SMIM36: variants seen among roughly 807,000 people sequenced by gnomAD.
SMIM36 encodes the protein small integral membrane protein 36.
chr17:55,528,980 G>GGGTAT, the SMIM36 span, among the ~76,000 whole-genome samples: 2 of 152,244 alleles, frequency 1.3e-5, no homozygotes, highest in African/African-American at 4.8e-5. Flanking sequence ...AATCTGGGTA[G>GGGTAT]AATTGAAGCT....
intron 1 of SMIM36, among the ~76,000 whole-genome samples, chr17:55,490,490 G>A (rs951696319): frequency 2.6e-5 from 4 of 152,218 alleles, no homozygotes; most frequent in African/African-American, 9.6e-5. Context: ...TTAACTCTTG[G>A]TTTGTACACT....
At chr17:55,520,629 G>A in the SMIM36 span, among the ~76,000 whole-genome samples, 1 of 152,180 alleles carries the variant, frequency 6.6e-6, no homozygotes, top group Non-Finnish European at 1.5e-5. Flanking sequence ...TCAGGTCCCA[G>A]GTAGGGCGGA....
chr17:55,491,888 G>A (rs1243838314), intron 1 of SMIM36, among the ~76,000 whole-genome samples: 1 of 152,122 alleles, frequency 6.6e-6, no homozygotes, highest in Non-Finnish European at 1.5e-5. Flanking sequence ...GGCGGGGCGG[G>A]GTGGCTCACA....
the SMIM36 span, among the ~76,000 whole-genome samples, chr17:55,528,281 G>T: frequency 1.3e-5 from 2 of 152,112 alleles, no homozygotes; most frequent in East Asian, 1.9e-4. Context: ...CATTGCTCAC[G>T]ATTATTTACT....
chr17:55,519,530 G>C, the SMIM36 span, among the ~76,000 whole-genome samples: 13 of 152,176 alleles, frequency 8.5e-5, no homozygotes, highest in Middle Eastern at 3.2e-3. Context: ...GAAATTATTT[G>C]CAATGACAAG....
exon 1 of SMIM36, chr17:55,511,224 G>A (rs1910176355): frequency 5.0e-6 from 2 of 398,566 alleles, no homozygotes; most frequent in South Asian, 1.3e-4. Context: ...CCTTGCCTCG[G>A]CAGTCGTATA....
intron 1 of SMIM36, among the ~76,000 whole-genome samples, chr17:55,489,893 G>T (rs189767437): frequency 6.6e-6 from 1 of 151,174 alleles, no homozygotes; most frequent in Non-Finnish European, 1.5e-5. Context: ...CTGTCGCCCC[G>T]GCTGGAGTGC....
chr17:55,468,815 A>G (rs1412198993), intron 3 of SMIM36, among the ~76,000 whole-genome samples: 5 of 152,100 alleles, frequency 3.3e-5, no homozygotes, highest in Non-Finnish European at 7.4e-5. Flanking sequence ...CCTAAAACCT[A>G]AATGTCTTCT....
chr17:55,522,913 G>A, the SMIM36 span, among the ~76,000 whole-genome samples: 1 of 152,104 alleles, frequency 6.6e-6, no homozygotes, highest in African/African-American at 2.4e-5. Flanking sequence ...CACATTCTAA[G>A]CATTGAATAT....
chr17:55,516,554 CTTTTTTTT>C, the SMIM36 span, among the ~76,000 whole-genome samples: 1 of 98,536 alleles, frequency 1.0e-5, no homozygotes, highest in Non-Finnish European at 1.8e-5. Context: ...AACAGTCTTC[CTTTTTTTT>C]TTTTTTTTTT....
intron 1 of SMIM36, among the ~76,000 whole-genome samples, chr17:55,500,127 A>T (rs570270763): frequency 0.01 from 1,531 of 149,662 alleles, 9 homozygotes; most frequent in Non-Finnish European, 0.016. Flanking sequence ...ATTAAAAAAA[A>T]TTTTTTTTTT....
At chr17:55,501,339 T>TTATATTTTATAATATATAATATAA (rs1567871090) in intron 1 of SMIM36, among the ~76,000 whole-genome samples, 16 of 52,752 alleles carry the variant, frequency 3.0e-4, no homozygotes, top group Non-Finnish European at 5.7e-4. Context: ...ATATAATATA[T>TTATATTTTATAATATATAATATAA]TATATATTAT....
At chr17:55,529,434 GTGA>G in the SMIM36 span, among the ~76,000 whole-genome samples, 1 of 152,116 alleles carries the variant, frequency 6.6e-6, no homozygotes, top group African/African-American at 2.4e-5. Context: ...AACAGCCTGG[GTGA>G]CATGGTGAAA....
At chr17:55,476,751 G>C (rs1249118331) in intron 3 of SMIM36, among the ~76,000 whole-genome samples, 1 of 152,096 alleles carries the variant, frequency 6.6e-6, no homozygotes, top group Non-Finnish European at 1.5e-5. Context: ...ATTTTTAATA[G>C]AGACGGGGCT....
chr17:55,483,713 C>A (rs1366135215), intron 1 of SMIM36, among the ~76,000 whole-genome samples: 4 of 152,186 alleles, frequency 2.6e-5, no homozygotes, highest in African/African-American at 7.2e-5. Context: ...TGGCTCACTG[C>A]AACCTCTGCC....
At chr17:55,502,383 C>A (rs1342089520) in intron 1 of SMIM36, among the ~76,000 whole-genome samples, 1 of 100,580 alleles carries the variant, frequency 9.9e-6, no homozygotes, top group Non-Finnish European at 1.9e-5. Flanking sequence ...ATCTGAGAAC[C>A]GGCAGACTGC....
the SMIM36 span, among the ~76,000 whole-genome samples, chr17:55,517,319 G>A: frequency 6.6e-6 from 1 of 152,206 alleles, no homozygotes; most frequent in Non-Finnish European, 1.5e-5. Flanking sequence ...GGGAGGCCAA[G>A]GAGGGTGGAT....
chr17:55,472,376 ATAC>A (rs142201386), intron 3 of SMIM36, among the ~76,000 whole-genome samples: 3,986 of 152,310 alleles, frequency 0.026, 149 homozygotes, highest in African/African-American at 0.08. Flanking sequence ...ATTAACATTT[ATAC>A]TGACTTCAAA....
chr17:55,502,076 C>G (rs1446028957), intron 1 of SMIM36, among the ~76,000 whole-genome samples: 1 of 151,672 alleles, frequency 6.6e-6, no homozygotes, highest in Non-Finnish European at 1.5e-5. Flanking sequence ...GGGTCCTACG[C>G]CCACGGAATC....
Sources: gnomAD v4.1 joint callset for allele counts (sites outside exome capture counted in the v4.1 genomes callset) on GRCh38, gnomAD v4.1.1 for gene constraint, MANE v1.5 for transcripts, NCBI Gene and HGNC (gene_info 2026-07-23, HGNC 2026-07-21) for gene names.